The following FAF1 variants were observed in gnomAD, a reference collection of about 807,000 sequenced individuals.
FAF1 encodes FAS-associated factor 1.
A neutral mutation model predicts 92.5 loss-of-function variants in FAF1; 25 were observed. The observed-to-expected ratio is 0.27, with a 90% CI of 0.20 to 0.38. The LOEUF (loss-of-function observed/expected upper bound fraction) is 0.38. Among genes scored for constraint, FAF1 ranks in the 10% least tolerant of loss-of-function variants. FAF1 has a pLI of 1.00. For synonymous variants in FAF1, 234 were observed against 273.2 expected (o/e 0.86, Z 1.42); for missense variants, 636 against 793.3 (o/e 0.80, Z 2.38).
At chr1:50,611,528 TAGC>T (rs1341556705) in intron 8 of FAF1, among the ~76,000 whole-genome samples, 1 of 152,196 alleles carries the variant, frequency 6.6e-6, no homozygotes, top group African/African-American at 2.4e-5. Flanking sequence ...TTTCTGCGGA[TAGC>T]AGATTTTAAA....
chr1:50,702,212 CA>C (rs1657503011), intron 7 of FAF1, among the ~76,000 whole-genome samples: 1 of 152,024 alleles, frequency 6.6e-6, no homozygotes, highest in African/African-American at 2.4e-5. Flanking sequence ...TTGCTGAAAG[CA>C]AATCAATCTT....
At chr1:50,815,159 A>G (rs983400246) in intron 2 of FAF1, among the ~76,000 whole-genome samples, 7 of 152,004 alleles carry the variant, frequency 4.6e-5, no homozygotes, top group African/African-American at 1.5e-4. Context: ...CATGATGCTG[A>G]GGTTTGGTGT....
chr1:50,839,849 C>T (rs1338637503), intron 2 of FAF1, among the ~76,000 whole-genome samples: 1 of 152,014 alleles, frequency 6.6e-6, no homozygotes, highest in East Asian at 1.9e-4. Flanking sequence ...TAAGGCTTTT[C>T]AAATTTAATC....
chr1:50,849,447 G>A (rs1362137554), intron 2 of FAF1, among the ~76,000 whole-genome samples: 1 of 149,028 alleles, frequency 6.7e-6, no homozygotes, highest in Non-Finnish European at 1.5e-5. Context: ...TAAACACACT[G>A]CTATCACTCA....
At chr1:50,633,774 G>A (rs1004414290) in intron 8 of FAF1, among the ~76,000 whole-genome samples, 6 of 152,140 alleles carry the variant, frequency 3.9e-5, no homozygotes, top group African/African-American at 7.2e-5. Context: ...TGGAAAAAGC[G>A]TCTAATAACG....
At chr1:50,512,007 T>A (rs1259821840) in intron 15 of FAF1, among the ~76,000 whole-genome samples, 2 of 152,300 alleles carry the variant, frequency 1.3e-5, no homozygotes, top group East Asian at 1.9e-4. Context: ...GATGACGAGC[T>A]TTTTTTCATG....
chr1:50,746,959 C>T (rs1003438936), intron 4 of FAF1, among the ~76,000 whole-genome samples: 2 of 152,196 alleles, frequency 1.3e-5, no homozygotes, highest in African/African-American at 4.8e-5. Flanking sequence ...CCGCTGCTTC[C>T]ATGTGGTGTT....
intron 4 of FAF1, chr1:50,780,994 G>A (rs1444817658): frequency 8.3e-6 from 4 of 479,778 alleles, no homozygotes; most frequent in Middle Eastern, 4.2e-4. Context: ...CTCCAAGGCA[G>A]CTTAGCTGAT....
chr1:50,747,064 A>C (rs916026505), intron 4 of FAF1, among the ~76,000 whole-genome samples: 3 of 152,208 alleles, frequency 2.0e-5, no homozygotes, highest in Admixed American at 6.5e-5. Flanking sequence ...TCCAGGCAGA[A>C]GCCCTCATGG....
At chr1:50,834,138 G>A (rs2105211) in intron 2 of FAF1, among the ~76,000 whole-genome samples, 150 of 152,218 alleles carry the variant, frequency 9.9e-4, no homozygotes, top group Non-Finnish European at 1.6e-3. Context: ...TAGCACCCCC[G>A]CTTCGCCCTC....
At chr1:50,485,636 C>A (rs1331441220) in intron 17 of FAF1, among the ~76,000 whole-genome samples, 28 of 142,982 alleles carry the variant, frequency 2.0e-4, no homozygotes, top group Non-Finnish European at 1.0e-4. Flanking sequence ...CACCACTGCA[C>A]CCCAGCCTGG....
intron 8 of FAF1, among the ~76,000 whole-genome samples, chr1:50,652,732 CCA>C (rs1265583595): frequency 3.3e-5 from 5 of 152,196 alleles, no homozygotes; most frequent in African/African-American, 1.2e-4. Context: ...ACTCACTCTG[CCA>C]CACATAGGTT....
chr1:50,806,012 T>C (rs952950417), intron 2 of FAF1, among the ~76,000 whole-genome samples: 1 of 151,806 alleles, frequency 6.6e-6, no homozygotes, highest in African/African-American at 2.4e-5. Context: ...AAATAAAGAA[T>C]TGCTAAATTG....
At chr1:50,866,464 C>T (rs1644482641) in intron 1 of FAF1, among the ~76,000 whole-genome samples, 3 of 151,982 alleles carry the variant, frequency 2.0e-5, no homozygotes, top group African/African-American at 7.3e-5. Flanking sequence ...CAAAAAGCTC[C>T]TAGATATGAT....
intron 8 of FAF1, among the ~76,000 whole-genome samples, chr1:50,633,078 T>C (rs1381519320): frequency 1.3e-5 from 2 of 152,202 alleles, no homozygotes; most frequent in African/African-American, 4.8e-5. Flanking sequence ...TAAAGCTACT[T>C]GCCTCTAAAC....
At chr1:50,602,858 T>G (rs1302144626) in intron 8 of FAF1, among the ~76,000 whole-genome samples, 2 of 152,170 alleles carry the variant, frequency 1.3e-5, no homozygotes, top group East Asian at 3.9e-4. Flanking sequence ...TTCCGTATTT[T>G]AAAAAGCAGT....
chr1:50,624,917 T>C (rs1653422967), intron 8 of FAF1, among the ~76,000 whole-genome samples: 1 of 144,798 alleles, frequency 6.9e-6, no homozygotes, highest in African/African-American at 2.7e-5. Flanking sequence ...TTTTTTTTTT[T>C]TGAGAAGCAG....
chr1:50,485,693 A>AC (rs1646759184), intron 17 of FAF1, among the ~76,000 whole-genome samples: 3 of 149,214 alleles, frequency 2.0e-5, no homozygotes, highest in East Asian at 3.9e-4. Context: ...AAAAAAAAAA[A>AC]AAACCAAAAA....
At chr1:50,843,920 T>C (rs1383239459) in intron 2 of FAF1, among the ~76,000 whole-genome samples, 2 of 152,152 alleles carry the variant, frequency 1.3e-5, no homozygotes, top group Non-Finnish European at 2.9e-5. Flanking sequence ...TTGCTGGGTA[T>C]ATGGCAGCTC....
Sources: allele counts gnomAD v4.1 joint callset (sites outside exome capture counted in the v4.1 genomes callset), GRCh38; gene constraint gnomAD v4.1.1; transcripts MANE v1.5; gene names NCBI Gene and HGNC (gene_info 2026-07-23, HGNC 2026-07-21).